Variants in TMEM135 observed in about 807,000 individuals in gnomAD.
The protein encoded by TMEM135 is transmembrane protein 135.
A neutral mutation model predicts 60.3 loss-of-function variants in TMEM135; 30 were observed. The ratio of observed to expected loss-of-function variants is 0.50; its 90% confidence interval spans 0.37 to 0.68. The LOEUF (loss-of-function observed/expected upper bound fraction) is 0.68, where lower values mean the gene tolerates loss of function less well. Among genes scored for constraint, TMEM135 ranks in the 30% least tolerant of loss-of-function variants. The pLI, the probability that TMEM135 is intolerant of heterozygous loss-of-function variation, is 0.00. For synonymous variants in TMEM135, 190 were observed against 186.7 expected, an observed-to-expected ratio of 1.02 and a Z score of -0.14; for missense variants, 468 against 548.8, an observed-to-expected ratio of 0.85 and a Z score of 1.47.
chr11:87,321,689 A>T lies in TMEM135; in HGVS notation c.*356A>T, dbSNP rs753712537. The T allele has an allele frequency of 4.3e-6, 2 of 470,234 alleles. No individual in the cohort carries two copies. The highest frequency in any genetic ancestry group is 3.9e-5 in the African/African-American group (2 of 50,718). 29.1% of individuals were successfully genotyped at this position (470,234 alleles called of 1,614,324 possible). On this transcript the variant is annotated 3_prime_UTR_variant, in exon 15 of 15. Transcript: ENST00000305494. Reference sequence around the variant, plus strand: ...TAAAAGATGTCTTTAGTTCATTCCAATATAATTCTTGATTAAAATTAGGAT... The same window carrying T: ...TAAAAGATGTCTTTAGTTCATTCCATTATAATTCTTGATTAAAATTAGGAT...
intron 4 of TMEM135, among the ~76,000 whole-genome samples, chr11:87,142,195 G>A (rs1396725458): frequency 6.6e-6 from 1 of 152,192 alleles, no homozygotes; most frequent in South Asian, 2.1e-4. Flanking sequence ...GGATGAGCTC[G>A]AGCAGGTCTG....
intron 4 of TMEM135, among the ~76,000 whole-genome samples, chr11:87,138,333 C>T (rs766735909): frequency 2.2e-4 from 33 of 152,204 alleles, no homozygotes; most frequent in Non-Finnish European, 2.8e-4. Flanking sequence ...TCAGGTGATC[C>T]GCCCGCCTTG....
At chr11:87,192,647 A>C (rs1939836842) in intron 5 of TMEM135, among the ~76,000 whole-genome samples, 1 of 151,998 alleles carries the variant, frequency 6.6e-6, no homozygotes. Context: ...TTTATTTATA[A>C]ATAAGAGAAA....
At chr11:87,184,489 A>G (rs1939601209) in intron 5 of TMEM135, among the ~76,000 whole-genome samples, 1 of 152,184 alleles carries the variant, frequency 6.6e-6, no homozygotes. Context: ...TTAAAAACAA[A>G]GACAATACAT....
chr11:87,166,057 G>T (rs577615519), intron 5 of TMEM135, among the ~76,000 whole-genome samples: 2 of 151,326 alleles, frequency 1.3e-5, no homozygotes, highest in Non-Finnish European at 2.9e-5. Flanking sequence ...TTGAATCTCT[G>T]AATAGACCAA....
rs575315666 is a variant in TMEM135 at position 87,243,840 on chromosome 11, A to G, written c.509+7156A>G. Reference sequence around the variant, plus strand: ...CTCTTTTCCTAATTGAATACCCTTTATTTCATTCTCCTGCCTAATTGCCCT... The same window carrying G: ...CTCTTTTCCTAATTGAATACCCTTTGTTTCATTCTCCTGCCTAATTGCCCT... On this transcript the variant is annotated intron_variant, in intron 6 of 14. Transcript: ENST00000305494. 1.4e-4 allele frequency among the ~76,000 whole-genome samples: 11 copies of G among 79,822 alleles called. 3 individuals are homozygous for G. The highest frequency in any genetic ancestry group is 3.3e-4 in the Non-Finnish European group (11 of 32,960). 52.4% of individuals were successfully genotyped at this position (79,822 alleles called of 152,430 possible). A position where few individuals can be genotyped will look rare whatever the true frequency, so the allele number is the denominator to read the frequency against.
intron 5 of TMEM135, among the ~76,000 whole-genome samples, chr11:87,227,264 A>G (rs886669796): frequency 6.6e-6 from 1 of 151,888 alleles, no homozygotes; most frequent in Admixed American, 6.6e-5. Context: ...TGTTTCTTCT[A>G]CACTGAAAAA....
At chr11:87,249,146 A>G (rs1941359943) in intron 6 of TMEM135, among the ~76,000 whole-genome samples, 1 of 152,172 alleles carries the variant, frequency 6.6e-6, no homozygotes, top group African/African-American at 2.4e-5. Context: ...CAGTCATGAA[A>G]GTGGGCATCC....
intron 5 of TMEM135, chr11:87,178,476 C>T (rs539035161): frequency 2.2e-5 from 10 of 455,898 alleles, no homozygotes; most frequent in African/African-American, 4.0e-5. Flanking sequence ...CACTGTCTTC[C>T]CCAGGCTGGA....
chr11:87,253,473 G>A (rs1193110986), intron 6 of TMEM135, among the ~76,000 whole-genome samples: 11 of 151,788 alleles, frequency 7.2e-5, no homozygotes, highest in South Asian at 2.1e-4. Context: ...AAAAGTGGAT[G>A]ACATTCACAT....
chr11:87,278,337 T>C (rs1459262704), intron 6 of TMEM135, among the ~76,000 whole-genome samples: 2 of 152,128 alleles, frequency 1.3e-5, no homozygotes, highest in Admixed American at 1.3e-4. Context: ...AAATATATAA[T>C]TTTTTACCTC....
rs1305289760 is a variant in TMEM135 at position 87,322,350 on chromosome 11, AG to A, written c.*1018del. On this transcript the variant is annotated 3_prime_UTR_variant, in exon 15 of 15. Transcript: ENST00000305494. ...ATAAAAATCCAGTGGTTGTTTAAAAAGTCCATTTGTCACTAATTCCATTCAG... is the reference window on the plus strand; with the variant it reads ...ATAAAAATCCAGTGGTTGTTTAAAAATCCATTTGTCACTAATTCCATTCAG... The A allele has an allele frequency of 2.2e-6, 1 of 453,906 alleles. No individual in the cohort carries two copies. The highest frequency in any genetic ancestry group is 4.4e-6 in the Non-Finnish European group (1 of 226,738). 28.1% of individuals were successfully genotyped at this position (453,906 alleles called of 1,614,324 possible).
intron 3 of TMEM135, among the ~76,000 whole-genome samples, chr11:87,075,040 A>G (rs1185044933): frequency 6.6e-6 from 1 of 152,114 alleles, no homozygotes; most frequent in Non-Finnish European, 1.5e-5. Flanking sequence ...CCCGGGCCTA[A>G]GAGATCCTCT....
At chr11:87,215,991 AAG>A (rs1403005562) in intron 5 of TMEM135, among the ~76,000 whole-genome samples, 2 of 152,150 alleles carry the variant, frequency 1.3e-5, no homozygotes, top group Non-Finnish European at 2.9e-5. Context: ...ATGAGAGAGA[AAG>A]AGAGAGAGAC....
chr11:87,044,045 A>G (rs1380601235), intron 1 of TMEM135, among the ~76,000 whole-genome samples: 2 of 152,030 alleles, frequency 1.3e-5, no homozygotes, highest in African/African-American at 2.4e-5. Context: ...TGATTTTAAA[A>G]CCTGTTTTTT....
chr11:87,139,736 T>C (rs1402575831), intron 4 of TMEM135, among the ~76,000 whole-genome samples: 2 of 152,208 alleles, frequency 1.3e-5, no homozygotes, highest in African/African-American at 4.8e-5. Context: ...TTTTACTTGT[T>C]CTAGTGCATG....
Position 87,139,442 on chromosome 11 carries a change from G to A in TMEM135, c.397-17899G>A, listed in dbSNP as rs1318077366. ...TAAAAAGCCCCTCTTTCCCCTTTGC[G>A]GTTTTCTCTTCCCATGTCCTAGATC... On this transcript the variant is annotated intron_variant, in intron 4 of 14. Coordinates refer to ENST00000305494, the MANE Select transcript of TMEM135 (RefSeq NM_022918.4). Among the ~76,000 whole-genome samples, 6 of 151,918 alleles carry A rather than the reference G, an allele frequency of 3.9e-5. No individual in the cohort carries two copies. In the East Asian group the frequency reaches 5.8e-4, roughly 15 times the overall value.
intron 5 of TMEM135, among the ~76,000 whole-genome samples, chr11:87,184,379 A>G (rs1202624737): frequency 2.6e-5 from 4 of 152,178 alleles, no homozygotes; most frequent in African/African-American, 9.7e-5. Context: ...TTGGTCTGGG[A>G]AAAATGCATC....
intron 4 of TMEM135, among the ~76,000 whole-genome samples, chr11:87,148,288 C>G (rs1362380351): frequency 6.6e-6 from 1 of 152,208 alleles, no homozygotes; most frequent in African/African-American, 2.4e-5. Context: ...GAAAAGCAAT[C>G]TCTTTAGCAG....
Sources: allele counts gnomAD v4.1 joint callset (sites outside exome capture counted in the v4.1 genomes callset), GRCh38; gene constraint gnomAD v4.1.1; transcripts MANE v1.5; gene names NCBI Gene and HGNC (gene_info 2026-07-23, HGNC 2026-07-21).